The following SLC7A2 variants were observed in gnomAD, a reference collection of about 807,000 sequenced individuals.
SLC7A2 encodes the protein solute carrier family 7 member 2, also known as cationic amino acid transporter 2.
In SLC7A2, 48 loss-of-function variants were observed where a neutral mutation model predicts 58.9. That is an observed-to-expected ratio of 0.82 (90% CI 0.65 to 1.04). The LOEUF (loss-of-function observed/expected upper bound fraction) is 1.04, where lower values mean the gene tolerates loss of function less well. Ranked by LOEUF, SLC7A2 falls within the 50% of genes least tolerant of loss-of-function variation. The pLI, the probability that SLC7A2 is intolerant of heterozygous loss-of-function variation, is 0.00. For synonymous variants in SLC7A2, 363 were observed against 314.5 expected (o/e 1.15, Z -1.63); for missense variants, 1,029 against 818.8 (o/e 1.26, Z -3.13).
At position 17,568,103 on chromosome 8, in the gene SLC7A2, C is replaced by T. The variant is rs986238893; in HGVS notation, c.*2957C>T. ...AATCAAAATTATATAAAGTCTTCTC[C>T]AGTAATTAAGAAATACATATGCAAA... On this transcript the variant is annotated 3_prime_UTR_variant, in exon 13 of 13. Transcript: ENST00000494857. 6.6e-6 allele frequency: 1 copy of T among 151,978 alleles called. No homozygotes were observed. The highest frequency in any genetic ancestry group is 1.5e-5 in the Non-Finnish European group (1 of 68,006). 9.4% of individuals were successfully genotyped at this position (151,978 alleles called of 1,614,324 possible). A position where few individuals can be genotyped will look rare whatever the true frequency, so the allele number is the denominator to read the frequency against.
Position 17,563,600 on chromosome 8 carries a change from C to T in SLC7A2, c.1672-3C>T, listed in dbSNP as rs1274723143. 5.1e-6 allele frequency: 8 copies of T among 1,576,136 alleles called. No individual in the cohort carries two copies. The highest frequency in any genetic ancestry group is 1.4e-5 in the African/African-American group (1 of 74,028). ...TGTTCAAAAGGATTGTTTTCCCCCT[C>T]AGGTTCCATTCTTACCATTTTTGCC... On this transcript the variant is annotated splice_polypyrimidine_tract_variant and splice_region_variant and intron_variant, in intron 11 of 12. Transcript: ENST00000494857.
chr8:17,519,621 G>C (rs1800935919), intron 2 of SLC7A2, among the ~76,000 whole-genome samples: 1 of 152,110 alleles, frequency 6.6e-6, no homozygotes, highest in African/African-American at 2.4e-5. Context: ...TTAGGTGCTT[G>C]TTTCTCATTG....
chr8:17,495,564 T>G (rs192507453), upstream of SLC7A2, among the ~76,000 whole-genome samples: 8 of 152,320 alleles, frequency 5.3e-5, no homozygotes, highest in Admixed American at 4.6e-4. Flanking sequence ...TTGCTTTTGT[T>G]TTTGAGACGG....
intron 1 of SLC7A2, 109 bp downstream of exon 1, chr8:17,497,346 GA>G (rs1799993168): frequency 6.6e-6 from 1 of 152,098 alleles, no homozygotes; most frequent in Non-Finnish European, 1.5e-5. Flanking sequence ...GGCCGGCGGG[GA>G]ACTAGAGGGT....
chr8:17,547,365 C>T (rs1802222291), intron 4 of SLC7A2, among the ~76,000 whole-genome samples: 1 of 152,260 alleles, frequency 6.6e-6, no homozygotes, highest in African/African-American at 2.4e-5. Context: ...CCCCATGATT[C>T]AGTTACCTCC....
At chr8:17,545,732 G>T (rs950107998) in intron 4 of SLC7A2, among the ~76,000 whole-genome samples, 1 of 152,012 alleles carries the variant, frequency 6.6e-6, no homozygotes, top group Admixed American at 6.6e-5. Context: ...CTTACCTGCA[G>T]TCCTGCTTAT....
At chr8:17,516,573 T>C (rs1489039642) in intron 2 of SLC7A2, among the ~76,000 whole-genome samples, 1 of 152,168 alleles carries the variant, frequency 6.6e-6, no homozygotes, top group Non-Finnish European at 1.5e-5. Context: ...CAGTGACTTG[T>C]CCAAAGACAC....
At chr8:17,538,699 A>G (rs1801777373) in intron 2 of SLC7A2, 1 of 1,149,212 alleles carries the variant, frequency 8.7e-7, no homozygotes, top group African/African-American at 1.6e-5. Context: ...ATTGCAAAAT[A>G]AAAAAGATCT....
chr8:17,507,491 G>C (rs1585182882), intron 2 of SLC7A2, among the ~76,000 whole-genome samples: 1 of 152,184 alleles, frequency 6.6e-6, no homozygotes, highest in Non-Finnish European at 1.5e-5. Flanking sequence ...AGGAATTATA[G>C]GCATAAGCCA....
At chr8:17,541,927 A>G (rs1801929827) in intron 2 of SLC7A2, among the ~76,000 whole-genome samples, 1 of 152,010 alleles carries the variant, frequency 6.6e-6, no homozygotes, top group Admixed American at 6.6e-5. Flanking sequence ...TCAGTGTTAG[A>G]TTGTTTAGGC....
chr8:17,543,374 G>C lies in SLC7A2; in HGVS notation c.35G>C (p.Arg12Pro), dbSNP rs747503308. ...IPCRAALTFA[R>P]CLIRRKIVTL... ...TGCAGAGCCGCGCTGACCTTTGCCC[G>C]ATGTCTGATCCGGAGAAAAATCGTG... The change falls in exon 3 of 13, where the codon CGA (arginine) becomes CCA (proline). Residue 12 changes from arginine (R) to proline (P), a missense_variant. Arg to Pro is a moderately radical substitution (Grantham distance 103, BLOSUM62 -2). Coordinates refer to ENST00000494857, the MANE Select transcript of SLC7A2 (RefSeq NM_001370338.1). The C allele has an allele frequency of 6.2e-7, 1 of 1,613,956 alleles. No individual in the cohort carries two copies. The highest frequency in any genetic ancestry group is 1.3e-5 in the African/African-American group (1 of 74,916).
chr8:17,516,375 C>G (rs947422635), intron 2 of SLC7A2, among the ~76,000 whole-genome samples: 4 of 152,080 alleles, frequency 2.6e-5, no homozygotes, highest in Admixed American at 2.0e-4. Context: ...ACAGGTGCAC[C>G]ACCACACCCG....
At chr8:17,555,359 C>G (rs183719063) in intron 8 of SLC7A2, among the ~76,000 whole-genome samples, 14 of 152,056 alleles carry the variant, frequency 9.2e-5, no homozygotes, top group African/African-American at 2.9e-4. Flanking sequence ...GTTATAATAG[C>G]TCTTCACTAA....
chr8:17,551,212 A>G (rs1471561611), intron 6 of SLC7A2, among the ~76,000 whole-genome samples: 1 of 152,188 alleles, frequency 6.6e-6, no homozygotes, highest in Admixed American at 6.5e-5. Context: ...GGCGATAGGA[A>G]ACTGACTGGC....
chr8:17,561,509 T>G (rs1802982585), intron 10 of SLC7A2, among the ~76,000 whole-genome samples: 3 of 152,180 alleles, frequency 2.0e-5, no homozygotes. Context: ...GGAGCCACAA[T>G]TCAAAATGAG....
Position 17,552,870 on chromosome 8 carries a change from G to T in SLC7A2, c.1055+884G>T, listed in dbSNP as rs2244738. Among the ~76,000 whole-genome samples the T allele has an allele frequency of 1.1e-3, 173 of 152,136 alleles. 2 individuals are homozygous for T. In the South Asian group the frequency reaches 0.028, roughly 24 times the overall value. ...TGCAAAGAGAAAATTAATCTTTTTG[G>T]CAGATTAGTAATTTTTTAACTGAAA... On this transcript the variant is annotated intron_variant, in intron 7 of 12. Transcript: ENST00000494857.
intron 2 of SLC7A2, among the ~76,000 whole-genome samples, chr8:17,512,358 C>A (rs1055494841): frequency 6.6e-6 from 1 of 152,130 alleles, no homozygotes; most frequent in Admixed American, 6.5e-5. Context: ...ACCAGCTTGA[C>A]CAACATGGTG....
At position 17,543,403 on chromosome 8, in the gene SLC7A2, CT is replaced by C; in HGVS notation, c.65del (p.Leu22ArgfsTer4). On this transcript the variant is annotated frameshift_variant, in exon 3 of 13. Coordinates refer to ENST00000494857, the MANE Select transcript of SLC7A2 (RefSeq NM_001370338.1). LOFTEE classifies it high-confidence loss of function. ...TCTGATCCGGAGAAAAATCGTGACC[CT>C]GGACAGTCTAGAAGACACCAAATTA... is the stretch of plus-strand genomic sequence containing the variant. ...RCLIRRKIVT[L>X]DSLEDTKLCR... 6.2e-7 allele frequency: 1 copy of C among 1,614,190 alleles called. No individual in the cohort carries two copies. Among genetic ancestry groups the C allele is most frequent in the Non-Finnish European group, 8.5e-7 (1 of 1,180,026 alleles).
chr8:17,529,287 A>C (rs924466384), intron 2 of SLC7A2, among the ~76,000 whole-genome samples: 1 of 152,028 alleles, frequency 6.6e-6, no homozygotes, highest in Non-Finnish European at 1.5e-5. Flanking sequence ...CCCTTTTCTT[A>C]ATGTTCTCTC....
Sources: allele counts gnomAD v4.1 joint callset (sites outside exome capture counted in the v4.1 genomes callset), GRCh38; gene constraint gnomAD v4.1.1; transcripts MANE v1.5; gene names NCBI Gene and HGNC (gene_info 2026-07-23, HGNC 2026-07-21).